Variants in DNAJC21 observed in about 807,000 individuals in gnomAD.
The protein encoded by DNAJC21 is dnaJ homolog subfamily C member 21.
In DNAJC21, 63 loss-of-function variants were observed where a neutral mutation model predicts 72.4. The ratio of observed to expected loss-of-function variants is 0.87; its 90% confidence interval spans 0.71 to 1.07. The LOEUF is 1.07. Ranked by LOEUF, DNAJC21 falls within the 50% of genes least tolerant of loss-of-function variation. DNAJC21 has a pLI of 0.00. For synonymous variants in DNAJC21, 203 were observed against 216.7 expected (o/e 0.94, Z 0.56); for missense variants, 634 against 644.8 (o/e 0.98, Z 0.18).
intron 6 of DNAJC21, among the ~76,000 whole-genome samples, chr5:34,940,029 C>CAATTT (rs1764935896): frequency 6.6e-6 from 1 of 152,024 alleles, no homozygotes; most frequent in Non-Finnish European, 1.5e-5. Flanking sequence ...GCCTAATTTC[C>CAATTT]ATCGAGTTTT....
chr5:34,929,651 A>ACACCAC lies in DNAJC21; in HGVS notation c.-167_-162dup. 6.5e-6 allele frequency: 1 copy of ACACCAC among 154,682 alleles called. No homozygotes were observed. The highest frequency in any genetic ancestry group is 1.3e-5 in the Non-Finnish European group (1 of 75,670). 9.6% of individuals were successfully genotyped at this position (154,682 alleles called of 1,614,324 possible). Reference sequence around the variant, plus strand: ...CGCCACCGCGCGCCTTCACTGACCTACACCACCGCCGCCGCCGCCGCCGCC... The same window carrying ACACCAC: ...CGCCACCGCGCGCCTTCACTGACCTACACCACCACCACCGCCGCCGCCGCCGCCGCC... On this transcript the variant is annotated 5_prime_UTR_variant, in exon 1 of 12. Coordinates refer to ENST00000648817, the MANE Select transcript of DNAJC21 (RefSeq NM_001012339.3).
chr5:34,952,145 G>GTT (rs1379961287), intron 10 of DNAJC21: 19 of 983,554 alleles, frequency 1.9e-5, no homozygotes, highest in Non-Finnish European at 2.3e-5. Flanking sequence ...GTGTGTGTGT[G>GTT]TGTGTATAGT....
intron 5 of DNAJC21, among the ~76,000 whole-genome samples, chr5:34,938,154 T>A (rs1450697304): frequency 6.6e-6 from 1 of 152,182 alleles, no homozygotes; most frequent in Non-Finnish European, 1.5e-5. Context: ...ATTTGAGAGA[T>A]CCTTTAGACT....
rs1343649683 is a variant in DNAJC21, at chr5:34,955,854, C to A, written c.*1140C>A. ...GGATCACGAGGTCAGGAGATCGAGA[C>A]CATCCCGGCTAAAACGGTGAAACCC... On this transcript the variant is annotated 3_prime_UTR_variant, in exon 12 of 12. Transcript: ENST00000648817. 2 of 150,484 alleles carry A rather than the reference C, an allele frequency of 1.3e-5. No individual in the cohort carries two copies. Among genetic ancestry groups the A allele is most frequent in the African/African-American group, 4.9e-5 (2 of 40,972 alleles). 9.3% of individuals were successfully genotyped at this position (150,484 alleles called of 1,614,324 possible).
Position 34,954,401 on chromosome 5 carries a change from T to A in DNAJC21, c.1435-152T>A, listed in dbSNP as rs545762089. On this transcript the variant is annotated intron_variant, in intron 11 of 11. Transcript: ENST00000648817. ...TAGTGGGATTTAACCTCCAAGAACATCTGCCTTTGTTGAACGTGTTTATTA... is the reference window on the plus strand; with the variant it reads ...TAGTGGGATTTAACCTCCAAGAACAACTGCCTTTGTTGAACGTGTTTATTA... The A allele has an allele frequency of 4.5e-6, 4 of 898,814 alleles. No homozygotes were observed. The African/African-American group carries it at 5.2e-5, about 12-fold the overall frequency. 55.7% of individuals were successfully genotyped at this position (898,814 alleles called of 1,614,324 possible).
rs1764766314 is a variant in DNAJC21 at position 34,936,160 on chromosome 5, A to G, written c.332A>G (p.Tyr111Cys). The change falls in exon 4 of 12, where the codon TAT (tyrosine) becomes TGT (cysteine). Residue 111 changes from tyrosine (Y) to cysteine (C), a missense_variant. By Grantham distance (194) the Tyr-to-Cys change is radical. Transcript: ENST00000648817. ...GDDEKGFYTVYRNVFEMIAKE... is the reference protein window; with the variant it reads ...GDDEKGFYTVCRNVFEMIAKE... ...GTTTTTTAGGGATTTTACACGGTGTATCGTAATGTTTTTGAAATGATTGCC... is the reference window on the plus strand; with the variant it reads ...GTTTTTTAGGGATTTTACACGGTGTGTCGTAATGTTTTTGAAATGATTGCC... 3.1e-6 allele frequency: 5 copies of G among 1,613,882 alleles called. No homozygotes were observed. Among genetic ancestry groups the G allele is most frequent in the Admixed American group, 1.7e-5 (1 of 59,984 alleles).
In DNAJC21 at chr5:34,929,651, A is replaced by ACAC. The variant is rs555784528; in HGVS notation, c.-164_-162dup. The ACAC allele has an allele frequency of 1.2e-4, 18 of 154,688 alleles. No individual in the cohort carries two copies. In the East Asian group the frequency reaches 1.3e-3, roughly 11 times the overall value. 9.6% of individuals were successfully genotyped at this position (154,688 alleles called of 1,614,324 possible). A position where few individuals can be genotyped will look rare whatever the true frequency, so the allele number is the denominator to read the frequency against. ...CGCCACCGCGCGCCTTCACTGACCT[A>ACAC]CACCACCGCCGCCGCCGCCGCCGCC... On this transcript the variant is annotated 5_prime_UTR_variant, in exon 1 of 12. Coordinates refer to ENST00000648817, the MANE Select transcript of DNAJC21 (RefSeq NM_001012339.3).
At position 34,931,646 on chromosome 5, in the gene DNAJC21, A is replaced by G. The variant is rs62356988; in HGVS notation, c.97+1730A>G. Among the ~76,000 whole-genome samples, 123 of 152,316 alleles carry G rather than the reference A, an allele frequency of 8.1e-4. 1 individual carries two copies. In the East Asian group the frequency reaches 0.021, roughly 26 times the overall value. On this transcript the variant is annotated intron_variant, in intron 1 of 11. Coordinates refer to ENST00000648817, the MANE Select transcript of DNAJC21 (RefSeq NM_001012339.3). ...ACTGTGAAATTTGCTTCGCTAAATAAGGGAGAGTTGTGGCTGGTTTTATTA... is the reference window on the plus strand; with the variant it reads ...ACTGTGAAATTTGCTTCGCTAAATAGGGGAGAGTTGTGGCTGGTTTTATTA...
chr5:34,937,755 T>C (rs1764841136), intron 5 of DNAJC21, 125 bp downstream of exon 5: 1 of 1,198,268 alleles, frequency 8.3e-7, no homozygotes, highest in Non-Finnish European at 1.2e-6. Context: ...TTTCTTCTTT[T>C]TTAAATTGTG....
chr5:34,939,102 G>T, intron 6 of DNAJC21, 93 bp downstream of exon 6: 1 of 1,186,618 alleles, frequency 8.4e-7, no homozygotes, highest in East Asian at 2.6e-5. Flanking sequence ...TTTTAAATGT[G>T]GCAAATAATT....
At chr5:34,949,703 C>A (rs375794992) in intron 9 of DNAJC21, 1 of 1,611,468 alleles carries the variant, frequency 6.2e-7, no homozygotes, top group African/African-American at 1.3e-5. Flanking sequence ...GTTTGCCAGG[C>A]GTCTTTCTTT....
At chr5:34,934,044 A>T (rs1580523312) in intron 2 of DNAJC21, 136 bp downstream of exon 2, 1 of 644,252 alleles carries the variant, frequency 1.6e-6, no homozygotes, top group African/African-American at 1.8e-5. Flanking sequence ...TAGTCATCAC[A>T]TAAAATCTAA....
At chr5:34,952,613 A>ACC (rs1765409693) in intron 10 of DNAJC21, 1 of 152,168 alleles carries the variant, frequency 6.6e-6, no homozygotes, top group Non-Finnish European at 1.5e-5. Flanking sequence ...TTCATGTAGG[A>ACC]GATGAGTAGA....
chr5:34,937,374 A>C lies in DNAJC21; in HGVS notation c.487A>C (p.Asn163His). ...TTGGCAGAGTTTCTGCACTCAAAAGAATTTTGCATGGAAGGAAGAATATGA... is the reference window on the plus strand; with the variant it reads ...TTGGCAGAGTTTCTGCACTCAAAAGCATTTTGCATGGAAGGAAGAATATGA... ...AYWQSFCTQK[N>H]FAWKEEYDTR... Residue 163 changes from asparagine to histidine, a missense_variant, in exon 5 of 12, where the codon AAT (asparagine) becomes CAT (histidine). Physicochemically the swap from Asn to His is moderately conservative, Grantham distance 68. Transcript: ENST00000648817. 6.2e-7 allele frequency: 1 copy of C among 1,613,838 alleles called. No individual in the cohort carries two copies. Among genetic ancestry groups the C allele is most frequent in the Non-Finnish European group, 8.5e-7 (1 of 1,179,962 alleles).
chr5:34,945,477 C>T (rs1439213763), intron 8 of DNAJC21, among the ~76,000 whole-genome samples: 10 of 152,112 alleles, frequency 6.6e-5, no homozygotes, highest in Non-Finnish European at 1.3e-4. Flanking sequence ...TGGATACAGA[C>T]GTCAACTATA....
intron 11 of DNAJC21, 41 bp from the exon 12 acceptor site, chr5:34,954,512 G>T: frequency 6.4e-7 from 1 of 1,552,222 alleles, no homozygotes; most frequent in Non-Finnish European, 8.7e-7. Context: ...ACTTTCAAGT[G>T]ATAACGCTTA....
At position 34,936,130 on chromosome 5, in the gene DNAJC21, T is replaced by A. The variant is rs2112033049; in HGVS notation, c.316-14T>A. 1 of 1,598,170 alleles carries A rather than the reference T, an allele frequency of 6.3e-7. No individual in the cohort carries two copies. Among genetic ancestry groups the A allele is most frequent in the Non-Finnish European group, 8.5e-7 (1 of 1,175,530 alleles). On this transcript the variant is annotated splice_polypyrimidine_tract_variant and intron_variant, in intron 3 of 11. Coordinates refer to ENST00000648817, the MANE Select transcript of DNAJC21 (RefSeq NM_001012339.3). ...CAAAAGTATTAAGAATTTGTTTTTGTTACTGTTTTTTAGGGATTTTACACG... is the reference window on the plus strand; with the variant it reads ...CAAAAGTATTAAGAATTTGTTTTTGATACTGTTTTTTAGGGATTTTACACG...
intron 9 of DNAJC21, among the ~76,000 whole-genome samples, chr5:34,946,055 T>G (rs2112077554): frequency 6.6e-6 from 1 of 152,294 alleles, no homozygotes; most frequent in Middle Eastern, 3.4e-3. Flanking sequence ...TCCCCTGGTA[T>G]GAATTAGCTG....
chr5:34,939,996 A>T (rs1193194101), intron 6 of DNAJC21, among the ~76,000 whole-genome samples: 1 of 152,234 alleles, frequency 6.6e-6, no homozygotes, highest in East Asian at 1.9e-4. Flanking sequence ...GAAAATTATA[A>T]ATCACTCTAT....
Sources: allele counts gnomAD v4.1 joint callset (sites outside exome capture counted in the v4.1 genomes callset), GRCh38; gene constraint gnomAD v4.1.1; transcripts MANE v1.5; gene names NCBI Gene and HGNC (gene_info 2026-07-23, HGNC 2026-07-21).